CNTLN: variants seen among roughly 807,000 people sequenced by gnomAD.
CNTLN encodes centlein.
Under a neutral mutation model 180.0 loss-of-function variants are expected in CNTLN, and 212 were observed. That is an observed-to-expected ratio of 1.18 (90% CI 1.05 to 1.32). The LOEUF is 1.32. Ranked by LOEUF, CNTLN falls within the 40% of genes most tolerant of loss-of-function variation. The pLI is 0.00. For missense variants in CNTLN, 2,095 were observed against 1,610.9 expected (o/e 1.30, Z -5.14); for synonymous variants, 722 against 563.1 (o/e 1.28, Z -3.99).
At chr9:17,188,683 G>A (rs1023723284) in intron 2 of CNTLN, among the ~76,000 whole-genome samples, 3 of 151,930 alleles carry the variant, frequency 2.0e-5, no homozygotes, top group African/African-American at 7.2e-5. Flanking sequence ...TTAATCTGCT[G>A]TTCATCCCTT....
At position 17,179,562 on chromosome 9, in the gene CNTLN, G is replaced by A. The variant is rs150376263; in HGVS notation, c.449+36186G>A. 4.0e-4 allele frequency among the ~76,000 whole-genome samples: 61 copies of A among 152,274 alleles called. No individual in the cohort carries two copies. In the East Asian group the frequency reaches 0.011, roughly 28 times the overall value. Reference sequence around the variant, plus strand: ...TCTGTGATTTAAATTCTTTAAATTTGACAAGGTTTGTTTTGTGGCCCAAAG... The same window carrying A: ...TCTGTGATTTAAATTCTTTAAATTTAACAAGGTTTGTTTTGTGGCCCAAAG... On this transcript the variant is annotated intron_variant, in intron 2 of 25. Transcript: ENST00000380647.
intron 2 of CNTLN, among the ~76,000 whole-genome samples, chr9:17,163,840 C>T (rs1348250224): frequency 6.6e-6 from 1 of 152,036 alleles, no homozygotes; most frequent in Non-Finnish European, 1.5e-5. Context: ...CCAGCCTGGC[C>T]AACACAGTGA....
intron 19 of CNTLN, among the ~76,000 whole-genome samples, chr9:17,459,541 C>T (rs1470924878): frequency 6.6e-6 from 1 of 151,790 alleles, no homozygotes; most frequent in African/African-American, 2.4e-5. Flanking sequence ...ATATTGTCTA[C>T]TACTAAAAAT....
intron 18 of CNTLN, among the ~76,000 whole-genome samples, chr9:17,452,286 C>A (rs1830831094): frequency 6.6e-6 from 1 of 152,126 alleles, no homozygotes; most frequent in Admixed American, 6.5e-5. Context: ...CCAGGTCTCC[C>A]TGATGGAGAA....
chr9:17,178,746 A>G (rs1820910221), intron 2 of CNTLN, among the ~76,000 whole-genome samples: 1 of 151,602 alleles, frequency 6.6e-6, no homozygotes, highest in Non-Finnish European at 1.5e-5. Flanking sequence ...GGGCAGCCCC[A>G]GTTCCTGCCA....
At chr9:17,360,999 A>G (rs1823339552) in intron 12 of CNTLN, among the ~76,000 whole-genome samples, 1 of 152,022 alleles carries the variant, frequency 6.6e-6, no homozygotes. Context: ...CACTTTTTCC[A>G]TCAATTACTG....
intron 1 of CNTLN, among the ~76,000 whole-genome samples, chr9:17,140,848 A>G (rs902445115): frequency 2.6e-5 from 4 of 152,230 alleles, no homozygotes; most frequent in African/African-American, 9.6e-5. Flanking sequence ...AAAAAATATT[A>G]AAAAACAAAA....
At chr9:17,178,416 C>G (rs1035156510) in intron 2 of CNTLN, among the ~76,000 whole-genome samples, 1 of 152,226 alleles carries the variant, frequency 6.6e-6, no homozygotes, top group African/African-American at 2.4e-5. Context: ...TGCCCGCACT[C>G]CTCAGCCCTT....
At chr9:17,335,220 T>C (rs1212876779) in intron 10 of CNTLN, among the ~76,000 whole-genome samples, 1 of 152,138 alleles carries the variant, frequency 6.6e-6, no homozygotes, top group African/African-American at 2.4e-5. Context: ...AACCTGAAGA[T>C]TAGATAAAAA....
chr9:17,319,493 G>A lies in CNTLN; in HGVS notation c.1341+10241G>A, dbSNP rs572977973. Among the ~76,000 whole-genome samples, 37 of 152,272 alleles carry A rather than the reference G, an allele frequency of 2.4e-4. 1 individual carries two copies. Among genetic ancestry groups the A allele is most frequent in the Admixed American group, 7.2e-4 (11 of 15,300 alleles). The stretch of plus-strand genomic sequence containing the variant: ...CTGTAAATTTGTAAATACTTCTAGT[G>A]GGACTTTTTTGTGCAGGATTTTGGG... On this transcript the variant is annotated intron_variant, in intron 8 of 25. Coordinates refer to ENST00000380647, the MANE Select transcript of CNTLN (RefSeq NM_017738.4).
At chr9:17,215,508 C>G (rs376070200) in intron 2 of CNTLN, among the ~76,000 whole-genome samples, 1 of 152,194 alleles carries the variant, frequency 6.6e-6, no homozygotes, top group Non-Finnish European at 1.5e-5. Flanking sequence ...CAGGGAACCA[C>G]TTGAGGAGGC....
chr9:17,290,573 G>C (rs10963008), intron 6 of CNTLN, among the ~76,000 whole-genome samples: 45,256 of 115,464 alleles, frequency 0.39, 12,770 homozygotes, highest in African/African-American at 0.63. Context: ...TTTACCTAAG[G>C]AAGCCTGGGC....
chr9:17,318,717 T>C (rs1013772575), intron 8 of CNTLN, among the ~76,000 whole-genome samples: 3 of 152,130 alleles, frequency 2.0e-5, no homozygotes, highest in Non-Finnish European at 4.4e-5. Context: ...ATTAGGGAAG[T>C]AGTAATGAAG....
At chr9:17,269,130 T>C (rs1349676908) in intron 5 of CNTLN, among the ~76,000 whole-genome samples, 1 of 152,006 alleles carries the variant, frequency 6.6e-6, no homozygotes, top group Non-Finnish European at 1.5e-5. Flanking sequence ...TCTGCATCGC[T>C]CATGCTGGGA....
chr9:17,251,578 G>A (rs559210718), intron 5 of CNTLN, among the ~76,000 whole-genome samples: 1 of 151,858 alleles, frequency 6.6e-6, no homozygotes, highest in Admixed American at 6.6e-5. Context: ...AATTACTTTT[G>A]TGTGTGTATT....
intron 5 of CNTLN, among the ~76,000 whole-genome samples, chr9:17,245,023 G>C (rs1825718889): frequency 6.6e-6 from 1 of 152,050 alleles, no homozygotes; most frequent in East Asian, 1.9e-4. Context: ...AGTTGTCACA[G>C]TTATTTTGGT....
chr9:17,201,024 G>T (rs561677993), intron 2 of CNTLN, among the ~76,000 whole-genome samples: 3 of 152,160 alleles, frequency 2.0e-5, no homozygotes, highest in Non-Finnish European at 4.4e-5. Flanking sequence ...CTAGTTTATT[G>T]AGAGTTTTTA....
chr9:17,525,035 G>C, the CNTLN span, among the ~76,000 whole-genome samples: 2 of 152,138 alleles, frequency 1.3e-5, no homozygotes, highest in African/African-American at 4.8e-5. Flanking sequence ...AATCAGGTTT[G>C]AACATACACA....
intron 19 of CNTLN, among the ~76,000 whole-genome samples, chr9:17,459,752 T>C (rs915609356): frequency 3.3e-5 from 5 of 151,752 alleles, no homozygotes; most frequent in Non-Finnish European, 7.4e-5. Context: ...TACATGGTCT[T>C]CCTTCTATGT....
Sources: allele counts gnomAD v4.1 joint callset (sites outside exome capture counted in the v4.1 genomes callset), GRCh38; gene constraint gnomAD v4.1.1; transcripts MANE v1.5; gene names NCBI Gene and HGNC (gene_info 2026-07-23, HGNC 2026-07-21).